The following ETFB variants were observed in gnomAD, a reference collection of about 807,000 sequenced individuals.
ETFB encodes beta-ETF.
A neutral mutation model predicts 25.6 loss-of-function variants in ETFB; 20 were observed. The ratio of observed to expected loss-of-function variants is 0.78; its 90% CI spans 0.55 to 1.14. The LOEUF is 1.14. Among genes scored for constraint, ETFB ranks in the 50% most tolerant of loss-of-function variants. The pLI, the probability that ETFB is intolerant of heterozygous loss-of-function variation, is 0.00. For synonymous variants in ETFB, 142 were observed against 146.7 expected, an observed-to-expected ratio of 0.97 and a Z score of 0.23; for missense variants, 286 against 342.6, an observed-to-expected ratio of 0.83 and a Z score of 1.30.
At chr19:51,360,988 T>G (rs1986210411) in intron 1 of ETFB, among the ~76,000 whole-genome samples, 2 of 152,040 alleles carry the variant, frequency 1.3e-5, no homozygotes, top group Non-Finnish European at 2.9e-5. Flanking sequence ...GGTCTCACCG[T>G]GTTAGCCAGG....
At position 51,353,304 on chromosome 19, in the gene ETFB, A is replaced by C. The variant is rs1985976002; in HGVS notation, c.217-14T>G. ...ACGAATCGTCTCCTGCCAAGGACAGAGGGGCTTGACTTGGCTGCTATCCTC... is the reference window on the plus strand; with the variant it reads ...ACGAATCGTCTCCTGCCAAGGACAGCGGGGCTTGACTTGGCTGCTATCCTC... On this transcript the variant is annotated splice_polypyrimidine_tract_variant and intron_variant, in intron 2 of 5. Coordinates refer to ENST00000309244, the MANE Select transcript of ETFB (RefSeq NM_001985.3). 3 of 1,613,682 alleles carry C rather than the reference A, an allele frequency of 1.9e-6. No homozygotes were observed. The highest frequency in any genetic ancestry group is 1.7e-5 in the Admixed American group (1 of 60,002).
intron 1 of ETFB, among the ~76,000 whole-genome samples, chr19:51,363,138 C>A (rs535783745): frequency 2.6e-5 from 4 of 152,128 alleles, no homozygotes; most frequent in Non-Finnish European, 2.9e-5. Context: ...TTTAAGGAGG[C>A]AAGCAGGGAA....
intron 1 of ETFB, chr19:51,354,585 A>G: frequency 6.2e-7 from 1 of 1,614,124 alleles, no homozygotes; most frequent in Non-Finnish European, 8.5e-7. Flanking sequence ...TCAGGCCTGA[A>G]AGAGTGTTTC....
chr19:51,345,970 T>C (rs1985767227), intron 5 of ETFB: 1 of 126,060 alleles, frequency 7.9e-6, no homozygotes, highest in Non-Finnish European at 1.7e-5. Context: ...ACCCTCCCTA[T>C]AGGCTGAGAT....
At chr19:51,357,662 T>C (rs975791456) in intron 1 of ETFB, among the ~76,000 whole-genome samples, 1 of 151,800 alleles carries the variant, frequency 6.6e-6, no homozygotes, top group Non-Finnish European at 1.5e-5. Flanking sequence ...GCTAATTTTT[T>C]GTATTTTTAA....
intron 1 of ETFB, among the ~76,000 whole-genome samples, chr19:51,365,965 C>T (rs552975463): frequency 3.0e-4 from 45 of 152,340 alleles, no homozygotes; most frequent in African/African-American, 1.0e-3. Flanking sequence ...GCCTCAGTTT[C>T]TCCGTGCATT....
At chr19:51,350,149 C>T (rs1985896592) in intron 4 of ETFB, 180 bp downstream of exon 4, 2 of 650,982 alleles carry the variant, frequency 3.1e-6, no homozygotes, top group Admixed American at 4.9e-5. Flanking sequence ...AAGGAAGGCC[C>T]CTTTGAAGAG....
Position 51,353,251 on chromosome 19 carries a change from C to T in ETFB, c.256G>A (p.Gly86Ser). The T allele has an allele frequency of 6.2e-7, 1 of 1,614,066 alleles. No individual in the cohort carries two copies. Residue 86 changes from glycine (G) to serine (S), a missense_variant, in exon 3 of 6, where the codon GGT becomes AGT. By Grantham distance (56) the Gly-to-Ser change is moderately conservative. Transcript: ENST00000309244. ...GCTGGGGGCACCTCCACGTGGATAC[C>T]TCGGTCTGCACCCATGGCCAGGGCG... ...RTALAMGADRGIHVEVPPAEA... is the reference protein window; with the variant it reads ...RTALAMGADRSIHVEVPPAEA...
chr19:51,362,125 G>T (rs950100704), intron 1 of ETFB, among the ~76,000 whole-genome samples: 6 of 146,000 alleles, frequency 4.1e-5, no homozygotes, highest in Admixed American at 7.0e-5. Context: ...TTAGATACAC[G>T]CACATACCCA....
intron 1 of ETFB, among the ~76,000 whole-genome samples, chr19:51,359,690 TAA>T (rs1206983586): frequency 6.6e-6 from 1 of 152,214 alleles, no homozygotes; most frequent in Admixed American, 6.5e-5. Flanking sequence ...TTATATTACA[TAA>T]GTCAGGAAAC....
intron 5 of ETFB, 124 bp from the exon 6 acceptor site, chr19:51,345,505 C>A: frequency 1.0e-6 from 1 of 955,094 alleles, no homozygotes. Context: ...GACCCACCCA[C>A]TGGCCAGGAC....
rs367836028 is a variant in ETFB at position 51,353,342 on chromosome 19, G to C, written c.217-52C>G. The C allele has an allele frequency of 1.2e-5, 20 of 1,608,910 alleles. No homozygotes were observed. In the African/African-American group the frequency reaches 2.5e-4, roughly 20 times the overall value. On this transcript the variant is annotated intron_variant, in intron 2 of 5. Coordinates refer to ENST00000309244, the MANE Select transcript of ETFB (RefSeq NM_001985.3). ...GGCTGCTATCCTCAGGGGGACCTAG[G>C]AGTCTGGCTCGCAGCCCCTCCTTCC...
intron 1 of ETFB, among the ~76,000 whole-genome samples, chr19:51,362,012 G>A (rs1435178304): frequency 6.6e-6 from 1 of 151,898 alleles, no homozygotes; most frequent in Admixed American, 6.6e-5. Context: ...TTTCTCCTGG[G>A]GTCTTGAAAG....
intron 1 of ETFB, among the ~76,000 whole-genome samples, chr19:51,358,831 CAA>C (rs112821668): frequency 5.0e-4 from 67 of 134,182 alleles, no homozygotes; most frequent in African/African-American, 1.6e-3. Context: ...CAAACAACAA[CAA>C]AAAAAAAAAA....
intron 4 of ETFB, among the ~76,000 whole-genome samples, chr19:51,349,659 G>A (rs1340877869): frequency 6.6e-6 from 1 of 151,824 alleles, no homozygotes; most frequent in Admixed American, 6.6e-5. Flanking sequence ...TGCCAAGGCT[G>A]GTCTCGAACT....
At position 51,350,398 on chromosome 19, in the gene ETFB, G is replaced by T; in HGVS notation, c.376-7C>A. The T allele has an allele frequency of 7.2e-7, 1 of 1,380,556 alleles. No homozygotes were observed. The allele number at this position is 1,380,556 out of a possible 1,614,324, so 85.5% of individuals were successfully genotyped here. ...TACAGTCATCATCGATGGCCTGAATGGGGAGAGACAGAAGACTGTATGACA... is the reference window on the plus strand; with the variant it reads ...TACAGTCATCATCGATGGCCTGAATTGGGAGAGACAGAAGACTGTATGACA... On this transcript the variant is annotated splice_region_variant and splice_polypyrimidine_tract_variant and intron_variant, in intron 3 of 5. Coordinates refer to ENST00000309244, the MANE Select transcript of ETFB (RefSeq NM_001985.3).
Position 51,350,325 on chromosome 19 carries a change from T to G in ETFB, c.438+4A>C. ...TCAGCAGGTGCTCCCCACTCCAGTC[T>G]CACCTGTGGCCAGTCAAGAAATCCA... On this transcript the variant is annotated splice_donor_region_variant and intron_variant, in intron 4 of 5. Transcript: ENST00000309244. The G allele has an allele frequency of 6.2e-7, 1 of 1,610,206 alleles. No homozygotes were observed.
intron 3 of ETFB, among the ~76,000 whole-genome samples, chr19:51,351,313 C>T (rs974918259): frequency 6.6e-6 from 1 of 152,202 alleles, no homozygotes; most frequent in African/African-American, 2.4e-5. Flanking sequence ...CCTGGAGATG[C>T]AGACAGTGAA....
chr19:51,350,301 C>T (rs1985900805), intron 4 of ETFB, 28 bp downstream of exon 4: 1 of 1,603,344 alleles, frequency 6.2e-7, no homozygotes, highest in Non-Finnish European at 8.5e-7. Context: ...GCCTGGCCCT[C>T]AGCAGGTGCT....
Sources: allele counts gnomAD v4.1 joint callset (sites outside exome capture counted in the v4.1 genomes callset), GRCh38; gene constraint gnomAD v4.1.1; transcripts MANE v1.5; gene names NCBI Gene and HGNC (gene_info 2026-07-23, HGNC 2026-07-21).